The following JAK1 variants were observed in gnomAD, a reference collection of about 807,000 sequenced individuals.
JAK1 encodes tyrosine-protein kinase JAK1.
Under a neutral mutation model 136.6 loss-of-function variants are expected in JAK1, and 16 were observed. That is an observed-to-expected ratio of 0.12 (90% CI 0.08 to 0.18). The LOEUF is 0.18. Ranked by LOEUF, JAK1 falls within the 10% of genes least tolerant of loss-of-function variation. JAK1 has a pLI of 1.00. For synonymous variants in JAK1, 492 were observed against 519.5 expected, an observed-to-expected ratio of 0.95 and a Z score of 0.72; for missense variants, 859 against 1,450.1, an observed-to-expected ratio of 0.59 and a Z score of 6.62.
chr1:64,893,831 G>A (rs1354803418), intron 1 of JAK1, among the ~76,000 whole-genome samples: 1 of 152,146 alleles, frequency 6.6e-6, no homozygotes, highest in East Asian at 1.9e-4. Flanking sequence ...AGAATCTCCT[G>A]CTGATAAGTC....
rs41285408 is a variant in JAK1 at position 64,876,338 on chromosome 1, G to A, written c.329+2687C>T. ...CAGAACACAATCTTCAATCTGGTCTGAACAACGATATTCTTCCAGGCTGCT... is the reference window on the plus strand; with the variant it reads ...CAGAACACAATCTTCAATCTGGTCTAAACAACGATATTCTTCCAGGCTGCT... On this transcript the variant is annotated intron_variant, in intron 4 of 24. Transcript: ENST00000342505. The A allele has an allele frequency of 5.0e-3, 767 of 152,380 alleles. 3 individuals are homozygous for A. The highest frequency in any genetic ancestry group is 8.6e-3 in the Non-Finnish European group (583 of 68,116). 9.4% of individuals were successfully genotyped at this position (152,380 alleles called of 1,614,324 possible).
intron 1 of JAK1, among the ~76,000 whole-genome samples, chr1:64,903,884 T>C (rs1483616095): frequency 6.6e-6 from 1 of 152,234 alleles, no homozygotes; most frequent in Non-Finnish European, 1.5e-5. Flanking sequence ...ATTATCACAA[T>C]CAAGCTCTAA....
chr1:65,018,831 A>C (rs1646913060), intron 2 of JAK1, among the ~76,000 whole-genome samples: 1 of 152,090 alleles, frequency 6.6e-6, no homozygotes, highest in African/African-American at 2.4e-5. Context: ...TAACACGGTG[A>C]AACCCCGTCT....
chr1:64,991,234 TA>T (rs1646654363), intron 2 of JAK1: 1 of 152,198 alleles, frequency 6.6e-6, no homozygotes, highest in Admixed American at 6.5e-5. Context: ...ATTAGTTTGC[TA>T]GGGCTACCAT....
In JAK1 at chr1:64,949,026, C is replaced by G. The variant is rs142783880; in HGVS notation, c.-78+17307G>C. Among the ~76,000 whole-genome samples, 190 of 152,194 alleles carry G rather than the reference C, an allele frequency of 1.2e-3. 1 individual carries two copies. Among genetic ancestry groups the G allele is most frequent in the Non-Finnish European group, 2.0e-3 (133 of 68,006 alleles). ...ACGGTCAGAAGGGCTGGAGTGCTGA[C>G]TGCAAGAAAGGGAATGGAAGGAAAG... On this transcript the variant is annotated intron_variant, in intron 1 of 24. Coordinates refer to ENST00000342505, the MANE Select transcript of JAK1 (RefSeq NM_002227.4).
intron 1 of JAK1, among the ~76,000 whole-genome samples, chr1:64,890,933 T>A (rs1161891479): frequency 6.6e-6 from 1 of 152,206 alleles, no homozygotes; most frequent in Non-Finnish European, 1.5e-5. Context: ...ATTGTAATCT[T>A]AGGCAAGTTA....
chr1:64,904,171 G>A (rs369858064), intron 1 of JAK1, among the ~76,000 whole-genome samples: 2 of 152,144 alleles, frequency 1.3e-5, no homozygotes, highest in African/African-American at 2.4e-5. Flanking sequence ...TTGATTTAAC[G>A]AATCAGAACC....
At chr1:64,848,620 GTTCAAGTTGCAATAATTCTGCT>G (rs1454357755) in intron 12 of JAK1, among the ~76,000 whole-genome samples, 1 of 152,190 alleles carries the variant, frequency 6.6e-6, no homozygotes, top group African/African-American at 2.4e-5. Flanking sequence ...GACCCTTCCA[GTTCAAGTTGCAATAATTCTGCT>G]TTTAAAATTC....
intron 1 of JAK1, among the ~76,000 whole-genome samples, chr1:64,952,009 G>A (rs138911241): frequency 0.013 from 2,051 of 152,168 alleles, 45 homozygotes; most frequent in African/African-American, 0.047. Context: ...GAAACTTGGC[G>A]CACATTTCCC....
chr1:64,941,759 C>G (rs1430271135), intron 1 of JAK1, among the ~76,000 whole-genome samples: 2 of 152,190 alleles, frequency 1.3e-5, no homozygotes, highest in Admixed American at 1.3e-4. Context: ...AATCCAGGTA[C>G]TTGACTCTCT....
chr1:64,922,610 A>C lies in JAK1; in HGVS notation c.-77-36269T>G, dbSNP rs188678561. Among the ~76,000 whole-genome samples, 315 of 152,270 alleles carry C rather than the reference A, an allele frequency of 2.1e-3. 1 individual carries two copies. Among genetic ancestry groups the C allele is most frequent in the African/African-American group, 7.4e-3 (307 of 41,548 alleles). On this transcript the variant is annotated intron_variant, in intron 1 of 24. Coordinates refer to ENST00000342505, the MANE Select transcript of JAK1 (RefSeq NM_002227.4). ...GCTTGTTGAATGCTTTAAGGTGCTA[A>C]ATTACTAACTGGGCTGGAACTTTCT... is the stretch of plus-strand genomic sequence containing the variant.
rs538199368 is a variant in JAK1, at chr1:65,001,416, A to G, written c.-78+43064T>C. Among the ~76,000 whole-genome samples the G allele has an allele frequency of 2.0e-5, 3 of 152,218 alleles. No homozygotes were observed. In the South Asian group the frequency reaches 6.2e-4, roughly 32 times the overall value. Reference sequence around the variant, plus strand: ...CTGTGCGCTGGCTGGCGGCGAGTGCAGTGACTGATTTCCTCTGCTCGCCTT... The same window carrying G: ...CTGTGCGCTGGCTGGCGGCGAGTGCGGTGACTGATTTCCTCTGCTCGCCTT... On this transcript the variant is annotated intron_variant, in intron 2 of 25. Transcript: ENST00000671954.
intron 1 of JAK1, among the ~76,000 whole-genome samples, chr1:64,892,689 C>T (rs1644957569): frequency 6.6e-6 from 1 of 152,188 alleles, no homozygotes; most frequent in Admixed American, 6.5e-5. Context: ...TTAAAAAGGG[C>T]TTTCACATCT....
At chr1:65,055,625 C>T (rs571011275) in intron 1 of JAK1, among the ~76,000 whole-genome samples, 1 of 152,332 alleles carries the variant, frequency 6.6e-6, no homozygotes, top group East Asian at 1.9e-4. Context: ...CAAACACACA[C>T]TGTGTTTTAA....
intron 2 of JAK1, among the ~76,000 whole-genome samples, chr1:65,013,095 C>CAAAA (rs34009555): frequency 8.9e-5 from 4 of 44,936 alleles, no homozygotes; most frequent in Admixed American, 2.7e-4. Flanking sequence ...CACTCCGTCT[C>CAAAA]AAAAAAAAAA....
At chr1:64,968,686 C>G (rs1448433248), upstream of JAK1, among the ~76,000 whole-genome samples, 1 of 152,138 alleles carries the variant, frequency 6.6e-6, no homozygotes, top group East Asian at 1.9e-4. Flanking sequence ...AATCCCAGCA[C>G]TTTGGGAGGC....
Position 64,833,474 on chromosome 1 carries a change from T to C in JAK1, c.*1088A>G, listed in dbSNP as rs1023303738. ...GTCATAAAGACCGTAATCGTTCACA[T>C]TGAATCAATGACTAAACATTTTTGA... On this transcript the variant is annotated 3_prime_UTR_variant, in exon 25 of 25. Coordinates refer to ENST00000342505, the MANE Select transcript of JAK1 (RefSeq NM_002227.4). The C allele has an allele frequency of 3.4e-5, 8 of 232,928 alleles. No individual in the cohort carries two copies. Among genetic ancestry groups the C allele is most frequent in the Non-Finnish European group, 5.9e-5 (7 of 117,762 alleles). The allele number at this position is 232,928 out of a possible 1,614,324, so 14.4% of individuals were successfully genotyped here. A position where few individuals can be genotyped will look rare whatever the true frequency, so the allele number is the denominator to read the frequency against.
intron 2 of JAK1, among the ~76,000 whole-genome samples, chr1:65,007,747 T>G (rs189358592): frequency 7.8e-6 from 1 of 127,704 alleles, no homozygotes; most frequent in Non-Finnish European, 1.7e-5. Flanking sequence ...ATAGGTATGT[T>G]TTTTTTTTTT....
At chr1:64,849,160 G>A (rs1655427810) in intron 12 of JAK1, among the ~76,000 whole-genome samples, 1 of 152,082 alleles carries the variant, frequency 6.6e-6, no homozygotes, top group South Asian at 2.1e-4. Flanking sequence ...ACCTTGCCTA[G>A]CTACTTGAGT....
Sources: allele counts gnomAD v4.1 joint callset (sites outside exome capture counted in the v4.1 genomes callset), GRCh38; gene constraint gnomAD v4.1.1; transcripts MANE v1.5; gene names NCBI Gene and HGNC (gene_info 2026-07-23, HGNC 2026-07-21).